DPRX: variants seen among roughly 807,000 people sequenced by gnomAD.
DPRX encodes the protein divergent paired-related homeobox.
A neutral mutation model predicts 8.4 loss-of-function variants in DPRX; 11 were observed. The observed-to-expected ratio is 1.31, with a 90% CI of 0.82 to 2.17. The LOEUF (loss-of-function observed/expected upper bound fraction) is 2.17. Ranked by LOEUF, DPRX falls within the 30% of genes most tolerant of loss-of-function variation. DPRX has a pLI of 0.00. For synonymous variants in DPRX, 72 were observed against 87.0 expected, an observed-to-expected ratio of 0.83 and a Z score of 0.96; for missense variants, 211 against 236.7, an observed-to-expected ratio of 0.89 and a Z score of 0.71.
At chr19:53,619,303 A>G in the DPRX span, among the ~76,000 whole-genome samples, 1 of 151,846 alleles carries the variant, frequency 6.6e-6, no homozygotes, top group African/African-American at 2.4e-5. Flanking sequence ...CACTTTGGGA[A>G]TCCGAGGCGA....
chr19:53,603,136 C>G, the DPRX span, among the ~76,000 whole-genome samples: 1 of 151,086 alleles, frequency 6.6e-6, no homozygotes, highest in African/African-American at 2.4e-5. Flanking sequence ...ACTGAAGCCT[C>G]GACTGCCCAG....
chr19:53,609,466 C>CAAAAAA, the DPRX span, among the ~76,000 whole-genome samples: 69 of 55,484 alleles, frequency 1.2e-3, no homozygotes, highest in South Asian at 1.9e-3. Context: ...GACTCGGTCT[C>CAAAAAA]AAAAAAAAAA....
chr19:53,629,090 G>A (rs2091081556), upstream of DPRX, among the ~76,000 whole-genome samples: 1 of 151,150 alleles, frequency 6.6e-6, no homozygotes, highest in African/African-American at 2.4e-5. Flanking sequence ...GAGGCGGGCA[G>A]ATCACTTGAG....
chr19:53,610,599 C>T, the DPRX span, among the ~76,000 whole-genome samples: 4 of 147,094 alleles, frequency 2.7e-5, no homozygotes, highest in South Asian at 2.3e-4. Context: ...TGGAGCTCTG[C>T]CGGGGGCAGG....
intron 2 of DPRX, among the ~76,000 whole-genome samples, 168 bp from the exon 3 acceptor site, chr19:53,636,428 C>CA (rs1006315251): frequency 9.6e-6 from 1 of 104,148 alleles, no homozygotes. Context: ...GTTTAAGGGC[C>CA]AAAAAAAGGA....
At chr19:53,621,832 A>T in the DPRX span, among the ~76,000 whole-genome samples, 1 of 152,150 alleles carries the variant, frequency 6.6e-6, no homozygotes, top group Non-Finnish European at 1.5e-5. Flanking sequence ...GTTTCTGCAC[A>T]TTCTTAGGCA....
chr19:53,614,215 G>A, the DPRX span, among the ~76,000 whole-genome samples: 1 of 152,186 alleles, frequency 6.6e-6, no homozygotes, highest in African/African-American at 2.4e-5. Context: ...CTCCCAAAGT[G>A]CTGGGATTAC....
upstream of DPRX, chr19:53,631,922 C>A: frequency 1.4e-6 from 1 of 721,858 alleles, no homozygotes; most frequent in Non-Finnish European, 2.3e-6. Flanking sequence ...GATAAAATGA[C>A]AGTATTGGGA....
At chr19:53,632,295 GTTTT>G (rs1420995271) in intron 1 of DPRX, among the ~76,000 whole-genome samples, 161 bp downstream of exon 1, 1 of 151,798 alleles carries the variant, frequency 6.6e-6, no homozygotes, top group Non-Finnish European at 1.5e-5. Context: ...TGTTGTTGTT[GTTTT>G]GTTTTGTTTT....
the DPRX span, among the ~76,000 whole-genome samples, chr19:53,610,206 G>A: frequency 6.9e-6 from 1 of 144,460 alleles, no homozygotes; most frequent in Non-Finnish European, 1.5e-5. Flanking sequence ...TGTAATCCCA[G>A]CTACTCAGGA....
the DPRX span, among the ~76,000 whole-genome samples, chr19:53,618,484 C>T: frequency 6.6e-6 from 1 of 151,382 alleles, no homozygotes; most frequent in Non-Finnish European, 1.5e-5. Context: ...AAAAAATAAA[C>T]ACTACTATGG....
the DPRX span, chr19:53,601,163 C>T: frequency 2.3e-6 from 1 of 431,160 alleles, no homozygotes; most frequent in Non-Finnish European, 4.7e-6. Context: ...ACTACAGGCA[C>T]ACCCCACACT....
At chr19:53,614,447 T>G in the DPRX span, among the ~76,000 whole-genome samples, 1 of 151,906 alleles carries the variant, frequency 6.6e-6, no homozygotes, top group Admixed American at 6.6e-5. Flanking sequence ...GCCTGTAATC[T>G]CAATACTTTC....
the DPRX span, chr19:53,601,306 G>A: frequency 5.7e-5 from 26 of 456,448 alleles, no homozygotes; most frequent in Non-Finnish European, 7.5e-5. Flanking sequence ...GGTCTCAGTG[G>A]TCATCTGCAT....
chr19:53,636,789 T>A, exon 3 of DPRX: 1 of 1,613,992 alleles, frequency 6.2e-7, no homozygotes, highest in Non-Finnish European at 8.5e-7. Context: ...GGTCATCGAG[T>A]CCCCTCATTC....
At chr19:53,629,983 G>GGCCT (rs200021305), upstream of DPRX, 80,414 of 151,180 alleles carry the variant, frequency 0.53, 23,765 homozygotes, top group African/African-American at 0.81. Context: ...AAGGCAGATG[G>GGCCT]ATCACCTGAG....
chr19:53,636,164 G>A (rs2091111171), intron 2 of DPRX, among the ~76,000 whole-genome samples: 1 of 151,960 alleles, frequency 6.6e-6, no homozygotes, highest in Non-Finnish European at 1.5e-5. Context: ...TCAGGAGTTC[G>A]AGACCAGCCT....
At chr19:53,602,436 T>G in the DPRX span, among the ~76,000 whole-genome samples, 1 of 151,640 alleles carries the variant, frequency 6.6e-6, no homozygotes, top group East Asian at 1.9e-4. Flanking sequence ...CTTGGCTCAC[T>G]GCAACCTCTG....
the DPRX span, among the ~76,000 whole-genome samples, chr19:53,609,465 T>G: frequency 6.0e-5 from 1 of 16,708 alleles, no homozygotes; most frequent in Admixed American, 1.2e-3. Flanking sequence ...AGACTCGGTC[T>G]CAAAAAAAAA....
Sources: gnomAD v4.1 joint callset for allele counts (sites outside exome capture counted in the v4.1 genomes callset) on GRCh38, gnomAD v4.1.1 for gene constraint, MANE v1.5 for transcripts, NCBI Gene and HGNC (gene_info 2026-07-23, HGNC 2026-07-21) for gene names.